Variants in ASXL3 observed in about 807,000 individuals in gnomAD.
The protein encoded by ASXL3 is putative Polycomb group protein ASXL3.
A neutral mutation model predicts 170.6 loss-of-function variants in ASXL3; 34 were observed. That is an observed-to-expected ratio of 0.20 (90% CI 0.15 to 0.27). ASXL3 has a LOEUF of 0.27. ASXL3 is among the 10% of genes least tolerant of loss of function. The probability of loss-of-function intolerance (pLI) is 1.00; values close to 1 mark genes in which losing one functional copy is unlikely to be tolerated. For missense variants in ASXL3, 2,592 were observed against 2,695.3 expected, an observed-to-expected ratio of 0.96 and a Z score of 0.85; for synonymous variants, 1,002 against 989.1, an observed-to-expected ratio of 1.01 and a Z score of -0.24.
At chr18:33,646,880 C>CT (rs565722384) in intron 4 of ASXL3, among the ~76,000 whole-genome samples, 1 of 43,878 alleles carries the variant, frequency 2.3e-5, no homozygotes, top group Non-Finnish European at 3.9e-5. Flanking sequence ...TAAGGGGGAG[C>CT]GGGGGGGGGG....
chr18:33,605,287 T>C (rs537608562), intron 1 of ASXL3: 54 of 152,202 alleles, frequency 3.5e-4, no homozygotes, highest in African/African-American at 1.3e-3. Context: ...GTCTCTGCCA[T>C]GTGTCACATT....
At position 33,692,421 on chromosome 18, in the gene ASXL3, C is replaced by A. The variant is rs938203176; in HGVS notation, c.879+8853C>A. Among the ~76,000 whole-genome samples the A allele has an allele frequency of 8.5e-5, 13 of 152,158 alleles. No individual in the cohort carries two copies. The South Asian group carries it at 1.4e-3, about 17-fold the overall frequency. On this transcript the variant is annotated intron_variant, in intron 8 of 11. Transcript: ENST00000269197. The stretch of plus-strand genomic sequence containing the variant: ...AACCCAAGCCTTTTCTGTGTCTCAG[C>A]TTCTGTGCTTCCTACTATCTCTGCA...
chr18:33,688,012 T>C (rs2066625163), intron 8 of ASXL3, among the ~76,000 whole-genome samples: 1 of 152,212 alleles, frequency 6.6e-6, no homozygotes, highest in Admixed American at 6.5e-5. Flanking sequence ...CTAATCCCTT[T>C]GTGTAGGATG....
chr18:33,674,968 A>G (rs2066402673), intron 7 of ASXL3, among the ~76,000 whole-genome samples: 1 of 152,126 alleles, frequency 6.6e-6, no homozygotes, highest in Admixed American at 6.5e-5. Flanking sequence ...TTAGAATCAG[A>G]CTGATATTTA....
rs1295518676 is a variant in ASXL3, at chr18:33,743,130, A to G, written c.3282A>G (p.Gly1094=). The G allele has an allele frequency of 2.5e-6, 4 of 1,613,882 alleles. No individual in the cohort carries two copies. In the Admixed American group the frequency reaches 5.0e-5, roughly 20 times the overall value. Reference sequence around the variant, plus strand: ...CCATGGGAAGTCCAGGAGAGGGTGGAAAGACGAGAACTCTGGCACACATCA... The same window carrying G: ...CCATGGGAAGTCCAGGAGAGGGTGGGAAGACGAGAACTCTGGCACACATCA... The part of the protein sequence containing the change: ...SGAMGSPGEG[G]KTRTLAHIKE... Residue 1094 remains glycine, a synonymous_variant, in exon 12 of 12, where the codon GGA becomes GGG. Coordinates refer to ENST00000269197, the MANE Select transcript of ASXL3 (RefSeq NM_030632.3).
At chr18:33,615,553 AC>A (rs1321256286) in intron 2 of ASXL3, among the ~76,000 whole-genome samples, 3 of 152,168 alleles carry the variant, frequency 2.0e-5, no homozygotes, top group Non-Finnish European at 4.4e-5. Flanking sequence ...GCACCAATAG[AC>A]TTGCTTGATG....
intron 1 of ASXL3, among the ~76,000 whole-genome samples, chr18:33,601,002 T>C (rs184951739): frequency 6.6e-6 from 1 of 152,292 alleles, no homozygotes; most frequent in Non-Finnish European, 1.5e-5. Flanking sequence ...TATGCTCTTC[T>C]TCCTAGTCAT....
chr18:33,590,649 T>C (rs1230414296), intron 1 of ASXL3, among the ~76,000 whole-genome samples: 1 of 152,172 alleles, frequency 6.6e-6, no homozygotes, highest in Non-Finnish European at 1.5e-5. Flanking sequence ...TTATAATATT[T>C]ATTTTACACT....
intron 2 of ASXL3, among the ~76,000 whole-genome samples, chr18:33,621,816 G>C (rs1026972296): frequency 6.6e-6 from 1 of 152,138 alleles, no homozygotes; most frequent in Non-Finnish European, 1.5e-5. Context: ...TTTGTCTGTA[G>C]ACAATTTGAT....
chr18:33,727,023 T>C (rs2067363498), intron 8 of ASXL3, among the ~76,000 whole-genome samples: 1 of 152,192 alleles, frequency 6.6e-6, no homozygotes, highest in African/African-American at 2.4e-5. Flanking sequence ...ATGTCTCTTA[T>C]TAATTCTATT....
chr18:33,679,226 C>G (rs1435633490), intron 7 of ASXL3, among the ~76,000 whole-genome samples: 1 of 151,926 alleles, frequency 6.6e-6, no homozygotes, highest in Non-Finnish European at 1.5e-5. Context: ...TATATTTTAA[C>G]ATTTTTGCCT....
At chr18:33,723,911 CAA>C (rs1446666272) in intron 8 of ASXL3, among the ~76,000 whole-genome samples, 1 of 152,072 alleles carries the variant, frequency 6.6e-6, no homozygotes, top group Non-Finnish European at 1.5e-5. Context: ...CCTCCGTCAG[CAA>C]AAAGATTATG....
At chr18:33,587,960 C>G (rs181086603) in intron 1 of ASXL3, among the ~76,000 whole-genome samples, 6 of 152,114 alleles carry the variant, frequency 3.9e-5, no homozygotes, top group Non-Finnish European at 8.8e-5. Context: ...CATTTTATAT[C>G]TGATAGTTGC....
intron 4 of ASXL3, among the ~76,000 whole-genome samples, chr18:33,658,235 C>T (rs941207222): frequency 6.6e-6 from 1 of 152,116 alleles, no homozygotes; most frequent in African/African-American, 2.4e-5. Context: ...AAGTCAGTCT[C>T]TTAGATAAAT....
chr18:33,713,229 G>GT lies in ASXL3; in HGVS notation c.880-18731dup, dbSNP rs1478922106. On this transcript the variant is annotated intron_variant, in intron 8 of 11. Transcript: ENST00000269197. ...GCAGTTAGCAATCTACCACAAGAAGGTTTTTTTTGTTTTGTTTTGTTTTTT... is the reference window on the plus strand; with the variant it reads ...GCAGTTAGCAATCTACCACAAGAAGGTTTTTTTTTGTTTTGTTTTGTTTTTT... Among the ~76,000 whole-genome samples, 788 of 81,682 alleles carry GT rather than the reference G, an allele frequency of 9.6e-3. 164 individuals carry two copies. The highest frequency in any genetic ancestry group is 0.071 in the East Asian group (110 of 1,544). The allele number at this position is 81,682 out of a possible 152,430, so 53.6% of individuals were successfully genotyped here.
chr18:33,686,894 G>A (rs2145293949), intron 8 of ASXL3, among the ~76,000 whole-genome samples: 1 of 152,312 alleles, frequency 6.6e-6, no homozygotes, highest in South Asian at 2.1e-4. Context: ...TTTTTTGGGA[G>A]CAGGTATCTC....
intron 7 of ASXL3, among the ~76,000 whole-genome samples, chr18:33,681,549 C>G (rs533462202): frequency 6.6e-6 from 1 of 151,998 alleles, no homozygotes; most frequent in South Asian, 2.1e-4. Flanking sequence ...CTATCCATCA[C>G]ACTGTAATTT....
intron 1 of ASXL3, among the ~76,000 whole-genome samples, chr18:33,606,715 T>C (rs2065254221): frequency 1.3e-5 from 2 of 151,964 alleles, no homozygotes; most frequent in South Asian, 2.1e-4. Context: ...TCATCTACCC[T>C]TGGAGTAGGT....
Position 33,739,442 on chromosome 18 carries a change from A to G in ASXL3, c.2038A>G (p.Ile680Val). ...ENFHASLMSE[I>V]SPISTSPEIS... ...CTTTCATGCATCTTTGATGTCAGAA[A>G]TATCTCCAATATCCACTTCACCTGA... is the stretch of plus-strand genomic sequence containing the variant. The change falls in exon 11 of 12, where the codon ATA (isoleucine) becomes GTA (valine). Residue 680 changes from isoleucine to valine, a missense_variant. This residue lies in a region of ASXL3 where 2,246 missense variants were observed against 2,219.6 expected (regional missense o/e 1.01). Transcript: ENST00000269197. The G allele has an allele frequency of 1.2e-6, 2 of 1,613,984 alleles. No individual in the cohort carries two copies. Among genetic ancestry groups the G allele is most frequent in the African/African-American group, 1.3e-5 (1 of 75,044 alleles).
Sources: allele counts gnomAD v4.1 joint callset (sites outside exome capture counted in the v4.1 genomes callset), GRCh38; gene constraint gnomAD v4.1.1; regional missense constraint gnomAD v4.1.1; transcripts MANE v1.5; gene names NCBI Gene and HGNC (gene_info 2026-07-23, HGNC 2026-07-21).